OR4K17: variants seen among roughly 807,000 people sequenced by gnomAD.
OR4K17 encodes the protein olfactory receptor 4K17.
For synonymous variants in OR4K17, 157 were observed against 132.8 expected (o/e 1.18, Z -1.25); for missense variants, 480 against 366.3 (o/e 1.31, Z -2.53).
rs1316262657 is a variant in OR4K17 at position 20,118,364 on chromosome 14, C to A, written c.865C>A (p.Leu289Met). ...TATCTTGAATCCAATTATCTATACT[C>A]TGAGAAACAAAGAAATGAAGATATC... ...TPILNPIIYT[L>M]RNKEMKISMK... The change falls in exon 2 of 2, where the codon CTG (leucine) becomes ATG (methionine). Residue 289 changes from leucine to methionine, a missense_variant. By Grantham distance (15) the Leu-to-Met change is conservative. Transcript: ENST00000641386. 1 of 1,610,440 alleles carries A rather than the reference C, an allele frequency of 6.2e-7. No individual in the cohort carries two copies. Among genetic ancestry groups the A allele is most frequent in the South Asian group, 1.1e-5 (1 of 90,764 alleles).
rs777520458 is a variant in OR4K17 at position 20,117,787 on chromosome 14, G to T, written c.288G>T (p.Gly96=). ...LKKQKVISFA[G]CFTQIFLLHL... is the part of the protein sequence containing the mutation. ...AGCAGAAGGTAATTTCTTTTGCTGG[G>T]TGCTTCACTCAGATATTTCTCCTTC... Residue 96 remains glycine (G), a synonymous_variant, in exon 2 of 2, where the codon GGG becomes GGT. Coordinates refer to ENST00000641386, the MANE Select transcript of OR4K17 (RefSeq NM_001004715.5). 8.1e-6 allele frequency: 13 copies of T among 1,613,976 alleles called. No individual in the cohort carries two copies. The highest frequency in any genetic ancestry group is 1.3e-5 in the African/African-American group (1 of 74,900).
chr14:20,115,548 C>T (rs1038706553), intron 1 of OR4K17, among the ~76,000 whole-genome samples: 15 of 152,106 alleles, frequency 9.9e-5, no homozygotes, highest in African/African-American at 3.6e-4. Context: ...CAATTTAGAA[C>T]ATTTGGAATG....
intron 1 of OR4K17, chr14:20,112,046 T>A (rs1465479359): frequency 6.6e-6 from 1 of 151,748 alleles, no homozygotes; most frequent in Non-Finnish European, 1.5e-5. Context: ...GGAAAAGAAG[T>A]TTGGAACTTG....
At chr14:20,112,444 G>A (rs1279422960) in intron 1 of OR4K17, among the ~76,000 whole-genome samples, 17 of 152,040 alleles carry the variant, frequency 1.1e-4, no homozygotes. Flanking sequence ...CATTCAAAAG[G>A]CAGGTAAGCA....
chr14:20,114,851 T>C (rs1877953293), intron 1 of OR4K17, among the ~76,000 whole-genome samples: 2 of 152,104 alleles, frequency 1.3e-5, no homozygotes, highest in African/African-American at 2.4e-5. Flanking sequence ...TTTCCTATTA[T>C]AAAGCATTGT....
rs778381776 is a variant in OR4K17, at chr14:20,118,461, C to T, written c.*23C>T. ...TAGATTAAAAATATAATGGTAGAGG[C>T]CGGGCATGGTGGCTGATGCCTGTAA... On this transcript the variant is annotated 3_prime_UTR_variant, in exon 2 of 2. Coordinates refer to ENST00000641386, the MANE Select transcript of OR4K17 (RefSeq NM_001004715.5). The T allele has an allele frequency of 2.2e-5, 31 of 1,437,912 alleles. No homozygotes were observed. In the Admixed American group the frequency reaches 5.8e-4, roughly 27 times the overall value. 89.1% of individuals were successfully genotyped at this position (1,437,912 alleles called of 1,614,324 possible). A position where few individuals can be genotyped will look rare whatever the true frequency, so the allele number is the denominator to read the frequency against.
chr14:20,116,264 G>C (rs185299202), intron 1 of OR4K17, among the ~76,000 whole-genome samples: 3 of 152,160 alleles, frequency 2.0e-5, no homozygotes. Flanking sequence ...CTTTCAATCT[G>C]ACCTATCTTT....
At chr14:20,115,739 T>C (rs566847127) in intron 1 of OR4K17, among the ~76,000 whole-genome samples, 31 of 152,170 alleles carry the variant, frequency 2.0e-4, no homozygotes, top group African/African-American at 7.0e-4. Context: ...ATATTAATAT[T>C]AATTTGGGGG....
In OR4K17 at chr14:20,120,004, T is replaced by C. The variant is rs1047209869; in HGVS notation, c.*1566T>C. 1.3e-5 allele frequency: 2 copies of C among 152,178 alleles called. No homozygotes were observed. The highest frequency in any genetic ancestry group is 4.8e-5 in the African/African-American group (2 of 41,442). 9.4% of individuals were successfully genotyped at this position (152,178 alleles called of 1,614,324 possible). ...TTAATGCAGCACCAAAAATAATAAA[T>C]TATTGATTTTTAAAATGTTGACTGA... On this transcript the variant is annotated 3_prime_UTR_variant, in exon 2 of 2. Transcript: ENST00000641386.
At chr14:20,111,652 T>A (rs1877885790) in intron 1 of OR4K17, among the ~76,000 whole-genome samples, 1 of 151,994 alleles carries the variant, frequency 6.6e-6, no homozygotes, top group Non-Finnish European at 1.5e-5. Context: ...CTTCTACAAT[T>A]TCCAGGAAAG....
Position 20,118,331 on chromosome 14 carries a change from A to G in OR4K17, c.832A>G (p.Ile278Val). 1.2e-6 allele frequency: 2 copies of G among 1,612,578 alleles called. No homozygotes were observed. Among genetic ancestry groups the G allele is most frequent in the East Asian group, 2.2e-5 (1 of 44,870 alleles). ...GTTCCTTGCTGTGTTTTATACCATC[A>G]TCACTCCTATCTTGAATCCAATTAT... is the stretch of plus-strand genomic sequence containing the variant. ...DKFLAVFYTI[I>V]TPILNPIIYT... Residue 278 changes from isoleucine to valine, a missense_variant, in exon 2 of 2, where the codon ATC becomes GTC. Transcript: ENST00000641386.
At chr14:20,114,604 C>T (rs189929692) in intron 1 of OR4K17, among the ~76,000 whole-genome samples, 1 of 152,142 alleles carries the variant, frequency 6.6e-6, no homozygotes, top group African/African-American at 2.4e-5. Context: ...GCTATGTTAT[C>T]AAGCCTGTGT....
rs1244218002 is a variant in OR4K17, at chr14:20,120,245, C to G, written c.*1807C>G. ...TTCTTTACAATATTAATGTCTAAGT[C>G]AGCACTCATATGCAGTGTCTCCTAA... On this transcript the variant is annotated 3_prime_UTR_variant, in exon 2 of 2. Coordinates refer to ENST00000641386, the MANE Select transcript of OR4K17 (RefSeq NM_001004715.5). The G allele has an allele frequency of 6.6e-6, 1 of 152,280 alleles. No individual in the cohort carries two copies. 9.4% of individuals were successfully genotyped at this position (152,280 alleles called of 1,614,324 possible).
intron 1 of OR4K17, among the ~76,000 whole-genome samples, chr14:20,115,189 C>T (rs1205588330): frequency 6.6e-6 from 1 of 152,078 alleles, no homozygotes; most frequent in Admixed American, 6.6e-5. Context: ...ATCTTCTGAA[C>T]ACTCTCTTAC....
At position 20,119,882 on chromosome 14, in the gene OR4K17, A is replaced by G. The variant is rs147755194; in HGVS notation, c.*1444A>G. ...TAGCAGAGAAACAATAATTTTTTAT[A>G]TTTTTAAAGGTTTCTCTTAAGTATA... On this transcript the variant is annotated 3_prime_UTR_variant, in exon 2 of 2. Coordinates refer to ENST00000641386, the MANE Select transcript of OR4K17 (RefSeq NM_001004715.5). The G allele has an allele frequency of 6.6e-6, 1 of 152,232 alleles. No homozygotes were observed. The highest frequency in any genetic ancestry group is 2.4e-5 in the African/African-American group (1 of 41,544). 9.4% of individuals were successfully genotyped at this position (152,232 alleles called of 1,614,324 possible). A position where few individuals can be genotyped will look rare whatever the true frequency, so the allele number is the denominator to read the frequency against.
chr14:20,115,991 T>C (rs1211779244), intron 1 of OR4K17, among the ~76,000 whole-genome samples: 3 of 152,144 alleles, frequency 2.0e-5, no homozygotes, highest in Non-Finnish European at 2.9e-5. Context: ...GAAATGGGGA[T>C]AGAATAATAG....
chr14:20,117,358 G>T, intron 1 of OR4K17, 110 bp from the exon 2 acceptor site: 1 of 1,289,812 alleles, frequency 7.8e-7, no homozygotes, highest in Non-Finnish European at 1.1e-6. Flanking sequence ...TAAATTTCAA[G>T]GTCCGTTTAT....
rs757214759 is a variant in OR4K17, at chr14:20,117,521, C to G, written c.22C>G (p.Gln8Glu). Residue 8 changes from glutamine (Q) to glutamate (E), a missense_variant, in exon 2 of 2, where the codon CAA becomes GAA. By Grantham distance (29) the Gln-to-Glu change is conservative. Transcript: ENST00000641386. Reference protein sequence around the residue: MKLLNQSQVSEFILLGLT... With the variant: MKLLNQSEVSEFILLGLT... Reference sequence around the variant, plus strand: ...GGCCATGAAACTATTAAATCAATCTCAAGTGTCAGAATTCATTTTGCTGGG... The same window carrying G: ...GGCCATGAAACTATTAAATCAATCTGAAGTGTCAGAATTCATTTTGCTGGG... 1 of 1,613,740 alleles carries G rather than the reference C, an allele frequency of 6.2e-7. No homozygotes were observed. Among genetic ancestry groups the G allele is most frequent in the Admixed American group, 1.7e-5 (1 of 59,980 alleles).
Position 20,120,929 on chromosome 14 carries a change from T to C in OR4K17, c.*2491T>C, listed in dbSNP as rs1185873069. ...CCACCAAAGACCACAACAATTTTTGTCACCACTTCAAACATCTACATCATT... is the reference window on the plus strand; with the variant it reads ...CCACCAAAGACCACAACAATTTTTGCCACCACTTCAAACATCTACATCATT... On this transcript the variant is annotated 3_prime_UTR_variant, in exon 2 of 2. Transcript: ENST00000641386. 6.6e-6 allele frequency: 1 copy of C among 152,260 alleles called. No homozygotes were observed. Among genetic ancestry groups the C allele is most frequent in the Non-Finnish European group, 1.5e-5 (1 of 68,066 alleles). The allele number at this position is 152,260 out of a possible 1,614,324, so 9.4% of individuals were successfully genotyped here.
Sources: gnomAD v4.1 joint callset for allele counts (sites outside exome capture counted in the v4.1 genomes callset) on GRCh38, gnomAD v4.1.1 for gene constraint, MANE v1.5 for transcripts, NCBI Gene and HGNC (gene_info 2026-07-23, HGNC 2026-07-21) for gene names.